Variants in FAAH observed in about 807,000 individuals in gnomAD.
FAAH encodes fatty-acid amide hydrolase 1.
In FAAH, 63 loss-of-function variants were observed where a neutral mutation model predicts 69.7. The observed-to-expected ratio is 0.90, with a 90% CI of 0.74 to 1.12. The LOEUF (loss-of-function observed/expected upper bound fraction) is 1.12. Ranked by LOEUF, FAAH falls within the 50% of genes most tolerant of loss-of-function variation. FAAH has a pLI of 0.00. For missense variants in FAAH, 680 were observed against 755.0 expected, an observed-to-expected ratio of 0.90 and a Z score of 1.16; for synonymous variants, 305 against 324.2, an observed-to-expected ratio of 0.94 and a Z score of 0.64.
rs139620071 is a variant in FAAH at position 46,410,413 on chromosome 1, G to A, written c.1191G>A (p.Val397=). The stretch of plus-strand genomic sequence containing the variant: ...TGTTTCCCAGCAAAGGTGATTTCGT[G>A]GACCCCTGCCTGGGGGACCTGGTCT... ...TFLQNFKGDF[V]DPCLGDLVSI... is the part of the protein sequence containing the mutation. The change falls in exon 10 of 15, where the codon GTG becomes GTA. Residue 397 remains valine, a synonymous_variant. Coordinates refer to ENST00000243167, the MANE Select transcript of FAAH (RefSeq NM_001441.3). This position sits in a 1 kb window ranked among gnomAD's most constrained non-coding sequence, Gnocchi z 4.9. 1 of 1,613,952 alleles carries A rather than the reference G, an allele frequency of 6.2e-7. No individual in the cohort carries two copies. Among genetic ancestry groups the A allele is most frequent in the Non-Finnish European group, 8.5e-7 (1 of 1,179,964 alleles).
chr1:46,410,047 C>T lies in FAAH; in HGVS notation c.1176-351C>T. ...AGAGCCCTGCTTCATGGGCAGCCCA[C>T]CCTCGATTTCCCCACCTGTGCCTCC... On this transcript the variant is annotated intron_variant, in intron 9 of 14. Coordinates refer to ENST00000243167, the MANE Select transcript of FAAH (RefSeq NM_001441.3). This position sits in a 1 kb window ranked among gnomAD's most constrained non-coding sequence, Gnocchi z 4.9. 1 of 243,060 alleles carries T rather than the reference C, an allele frequency of 4.1e-6. No homozygotes were observed. The highest frequency in any genetic ancestry group is 8.1e-6 in the Non-Finnish European group (1 of 123,390). 15.1% of individuals were successfully genotyped at this position (243,060 alleles called of 1,614,324 possible).
Position 46,411,601 on chromosome 1 carries a change from C to T in FAAH, c.1317-11C>T, listed in dbSNP as rs1320553783. On this transcript the variant is annotated splice_polypyrimidine_tract_variant and intron_variant, in intron 11 of 14. Coordinates refer to ENST00000243167, the MANE Select transcript of FAAH (RefSeq NM_001441.3). The surrounding 1 kb of genome is among the most constrained non-coding windows in gnomAD (Gnocchi z 4.8). ...ACCATCATGGCTGGTGACCACACTC[C>T]TTCTGCCCAGTTCGGCTGGAAAACT... The T allele has an allele frequency of 1.9e-6, 3 of 1,613,960 alleles. No individual in the cohort carries two copies. Among genetic ancestry groups the T allele is most frequent in the Non-Finnish European group, 2.5e-6 (3 of 1,179,958 alleles).
chr1:46,395,693 C>G (rs1379021356), intron 1 of FAAH, among the ~76,000 whole-genome samples: 1 of 152,176 alleles, frequency 6.6e-6, no homozygotes, highest in Non-Finnish European at 1.5e-5. Context: ...GAAAGAGTCA[C>G]AGAAAATTGT....
At chr1:46,396,859 G>C (rs1664605989) in intron 1 of FAAH, among the ~76,000 whole-genome samples, 1 of 152,258 alleles carries the variant, frequency 6.6e-6, no homozygotes, top group South Asian at 2.1e-4. Context: ...TTGCGGTTTT[G>C]GCTGGCTGTA....
chr1:46,409,388 G>A (rs1041368294), intron 9 of FAAH, 190 bp downstream of exon 9: 20 of 624,952 alleles, frequency 3.2e-5, no homozygotes, highest in Non-Finnish European at 5.3e-5. Flanking sequence ...CAGGGTGCCA[G>A]CCCGAGGGGA....
At position 46,405,435 on chromosome 1, in the gene FAAH, G is replaced by A. The variant is rs758442304; in HGVS notation, c.508G>A (p.Val170Met). Residue 170 changes from valine to methionine, a missense_variant, in exon 4 of 15, where the codon GTG becomes ATG. Coordinates refer to ENST00000243167, the MANE Select transcript of FAAH (RefSeq NM_001441.3). The surrounding 1 kb of genome is among the most constrained non-coding windows in gnomAD (Gnocchi z 4.1). Reference protein sequence around the residue: ...EGVPAECDSVVVHVLKLQGAV... With the variant: ...EGVPAECDSVMVHVLKLQGAV... ...GGTGCCGGCGGAGTGCGACAGCGTA[G>A]TGGTGCATGTGCTGAAGCTGCAGGG... is the stretch of plus-strand genomic sequence containing the variant. 1 of 1,613,496 alleles carries A rather than the reference G, an allele frequency of 6.2e-7. No individual in the cohort carries two copies. The highest frequency in any genetic ancestry group is 1.7e-5 in the Admixed American group (1 of 60,012).
Position 46,407,107 on chromosome 1 carries a change from A to G in FAAH, c.951+739A>G, listed in dbSNP as rs79119283. The stretch of plus-strand genomic sequence containing the variant: ...TGCCAGACTTGCTGCTACGTGAGCC[A>G]GGGTCTGCAAGCAGCGTGGTGTGCT... On this transcript the variant is annotated intron_variant, in intron 7 of 14. Transcript: ENST00000243167. Among the ~76,000 whole-genome samples, 1,011 of 151,852 alleles carry G rather than the reference A, an allele frequency of 6.7e-3. 11 individuals carry two copies. The highest frequency in any genetic ancestry group is 0.041 in the Middle Eastern group (12 of 292).
chr1:46,410,234 G>T lies in FAAH; in HGVS notation c.1176-164G>T. 1.4e-6 allele frequency: 1 copy of T among 716,610 alleles called. No homozygotes were observed. The highest frequency in any genetic ancestry group is 2.6e-6 in the Non-Finnish European group (1 of 388,130). The allele number at this position is 716,610 out of a possible 1,614,324, so 44.4% of individuals were successfully genotyped here. ...TGGGTTGCAGCCCAGGCATCCCAAA[G>T]GATCAGCAGAAACAAACGGCATGTT... On this transcript the variant is annotated intron_variant, in intron 9 of 14. Coordinates refer to ENST00000243167, the MANE Select transcript of FAAH (RefSeq NM_001441.3). The surrounding 1 kb of genome is among the most constrained non-coding windows in gnomAD (Gnocchi z 4.9).
chr1:46,394,608 C>T (rs1664564225), intron 1 of FAAH, 65 bp downstream of exon 1: 1 of 1,248,326 alleles, frequency 8.0e-7, no homozygotes, highest in South Asian at 2.8e-5. Context: ...CTTTCAGCCG[C>T]CGGACCCGCC....
At position 46,406,323 on chromosome 1, in the gene FAAH, G is replaced by A. The variant is rs757163853; in HGVS notation, c.906G>A (p.Met302Ile). The A allele has an allele frequency of 3.7e-6, 6 of 1,613,758 alleles. No homozygotes were observed. In the Admixed American group the frequency reaches 5.0e-5, roughly 13 times the overall value. ...TGCGAGCCCTGCTGTGTGAGGACAT[G>A]TTCCGCTTGGACCCCACTGTGCCTC... ...LCLRALLCED[M>I]FRLDPTVPPL... Residue 302 changes from methionine to isoleucine, a missense_variant, in exon 7 of 15, where the codon ATG (methionine) becomes ATA (isoleucine). By Grantham distance (10) the Met-to-Ile change is conservative. Transcript: ENST00000243167.
intron 1 of FAAH, among the ~76,000 whole-genome samples, chr1:46,395,534 C>G (rs1232323678): frequency 6.6e-6 from 1 of 152,202 alleles, no homozygotes; most frequent in Non-Finnish European, 1.5e-5. Flanking sequence ...GGGGCTTTTC[C>G]TCTGGGTGTG....
Position 46,408,451 on chromosome 1 carries a change from C to G in FAAH, c.952-8C>G, listed in dbSNP as rs767187412. On this transcript the variant is annotated splice_polypyrimidine_tract_variant and splice_region_variant and intron_variant, in intron 7 of 14. Transcript: ENST00000243167. Reference sequence around the variant, plus strand: ...GACCTGCCCCTGTCCCCTGTGTTTTCCCTCCAGGTCTACACCAGCTCTCAG... The same window carrying G: ...GACCTGCCCCTGTCCCCTGTGTTTTGCCTCCAGGTCTACACCAGCTCTCAG... 3.7e-6 allele frequency: 6 copies of G among 1,614,120 alleles called. No homozygotes were observed. The South Asian group carries it at 6.6e-5, about 18-fold the overall frequency.
intron 12 of FAAH, 124 bp from the exon 13 acceptor site, chr1:46,412,019 G>T (rs1232781187): frequency 6.0e-6 from 5 of 834,470 alleles, no homozygotes; most frequent in Admixed American, 4.0e-5. Context: ...GTCCCACTGT[G>T]GCTCTGTTCA....
Position 46,411,494 on chromosome 1 carries a change from TG to T in FAAH, c.1317-114del. The T allele has an allele frequency of 7.4e-6, 8 of 1,081,130 alleles. No individual in the cohort carries two copies. The highest frequency in any genetic ancestry group is 1.1e-5 in the Non-Finnish European group (8 of 715,298). The allele number at this position is 1,081,130 out of a possible 1,614,324, so 67.0% of individuals were successfully genotyped here. ...TTGAACTTCCCTCTCAGAGCTCCCA[TG>T]GGGTTGTGAAGGGTCCACGGAGGGG... On this transcript the variant is annotated intron_variant, in intron 11 of 14. Transcript: ENST00000243167. This position sits in a 1 kb window ranked among gnomAD's most constrained non-coding sequence, Gnocchi z 4.8.
At chr1:46,400,413 C>T (rs971493053) in intron 1 of FAAH, among the ~76,000 whole-genome samples, 3 of 151,952 alleles carry the variant, frequency 2.0e-5, no homozygotes, top group Admixed American at 6.6e-5. Context: ...TGGGTGGCCG[C>T]GTGTGACCTA....
intron 1 of FAAH, among the ~76,000 whole-genome samples, chr1:46,399,667 A>T (rs917424912): frequency 1.3e-4 from 20 of 152,078 alleles, no homozygotes; most frequent in Non-Finnish European, 2.4e-4. Context: ...CCTTCTCCAT[A>T]CTCTTAGGCA....
rs777187578 is a variant in FAAH at position 46,405,395 on chromosome 1, G to C, written c.468G>C (p.Leu156Phe). 1 of 1,612,220 alleles carries C rather than the reference G, an allele frequency of 6.2e-7. No individual in the cohort carries two copies. The highest frequency in any genetic ancestry group is 8.5e-7 in the Non-Finnish European group (1 of 1,180,020). ...TYKGQDSTLG[L>F]SLNEGVPAEC... ...AGGGCCAGGACTCCACGCTGGGCTTGAGCCTGAATGAAGGGGTGCCGGCGG... is the reference window on the plus strand; with the variant it reads ...AGGGCCAGGACTCCACGCTGGGCTTCAGCCTGAATGAAGGGGTGCCGGCGG... Residue 156 changes from leucine to phenylalanine, a missense_variant, in exon 4 of 15, where the codon TTG (leucine) becomes TTC (phenylalanine). By Grantham distance (22) the Leu-to-Phe change is conservative. Transcript: ENST00000243167. This position sits in a 1 kb window ranked among gnomAD's most constrained non-coding sequence, Gnocchi z 4.1.
chr1:46,401,378 G>A (rs958147521), intron 1 of FAAH, among the ~76,000 whole-genome samples: 1 of 152,086 alleles, frequency 6.6e-6, no homozygotes, highest in Non-Finnish European at 1.5e-5. Context: ...GAGGGTCTGC[G>A]GCTTCATTCT....
At chr1:46,408,791 G>A (rs1166909902) in intron 8 of FAAH, among the ~76,000 whole-genome samples, 3 of 152,232 alleles carry the variant, frequency 2.0e-5, no homozygotes, top group Non-Finnish European at 4.4e-5. Flanking sequence ...CCTGTGCTGT[G>A]TGATGTGTGA....
Sources: gnomAD v4.1 joint callset for allele counts (sites outside exome capture counted in the v4.1 genomes callset) on GRCh38, gnomAD v4.1.1 for gene constraint, Gnocchi (gnomAD v3.1) non-coding constraint, MANE v1.5 for transcripts, NCBI Gene and HGNC (gene_info 2026-07-23, HGNC 2026-07-21) for gene names.